The following PLEKHA7 variants were observed in gnomAD, a reference collection of about 807,000 sequenced individuals.
The protein encoded by PLEKHA7 is pleckstrin homology domain containing A7.
A neutral mutation model predicts 170.0 loss-of-function variants in PLEKHA7; 104 were observed. That is an observed-to-expected ratio of 0.61 (90% CI 0.52 to 0.72). The LOEUF (loss-of-function observed/expected upper bound fraction) is 0.72, where lower values mean the gene tolerates loss of function less well. Ranked by LOEUF, PLEKHA7 falls within the 30% of genes least tolerant of loss-of-function variation. The pLI is 0.00. For synonymous variants in PLEKHA7, 648 were observed against 660.8 expected, an observed-to-expected ratio of 0.98 and a Z score of 0.30; for missense variants, 1,615 against 1,671.7, an observed-to-expected ratio of 0.97 and a Z score of 0.59.
chr11:16,838,223 T>C (rs7129494), intron 9 of PLEKHA7, among the ~76,000 whole-genome samples: 9,836 of 152,190 alleles, frequency 0.065, 1,023 homozygotes, highest in African/African-American at 0.22. Context: ...CACGTGCCCA[T>C]TGAGCTGGGC....
intron 13 of PLEKHA7, among the ~76,000 whole-genome samples, chr11:16,810,459 G>C (rs1849291089): frequency 6.6e-6 from 1 of 152,222 alleles, no homozygotes; most frequent in Non-Finnish European, 1.5e-5. Context: ...ACAAAACCCA[G>C]CTTGTTTCTC....
chr11:16,894,220 C>G (rs1413254420), intron 3 of PLEKHA7, among the ~76,000 whole-genome samples: 1 of 152,200 alleles, frequency 6.6e-6, no homozygotes, highest in African/African-American at 2.4e-5. Flanking sequence ...GACTGGACAT[C>G]TAATCAGGGA....
chr11:16,995,372 G>A (rs890419872), intron 3 of PLEKHA7, among the ~76,000 whole-genome samples: 2 of 152,132 alleles, frequency 1.3e-5, no homozygotes, highest in Non-Finnish European at 2.9e-5. Context: ...TCTGCTAAAT[G>A]AAGGGACCCC....
At chr11:16,927,755 A>G (rs1859665519) in intron 3 of PLEKHA7, among the ~76,000 whole-genome samples, 1 of 152,264 alleles carries the variant, frequency 6.6e-6, no homozygotes, top group Non-Finnish European at 1.5e-5. Context: ...GAATTTATCC[A>G]GAATACTTCA....
At position 16,789,826 on chromosome 11, in the gene PLEKHA7, G is replaced by A. The variant is rs372800927; in HGVS notation, c.3105C>T (p.Tyr1035=). Residue 1035 remains tyrosine, a synonymous_variant, in exon 22 of 27, where the codon TAC becomes TAT. Transcript: ENST00000531066. This position sits in a 1 kb window ranked among gnomAD's most constrained non-coding sequence, Gnocchi z 4.6. ...RLQQSSTIAP[Y]VTLRRGLNAE... is the part of the protein sequence containing the mutation. ...CATTGAGACCCCTCCGGAGTGTGAC[G>A]TAGGGAGCAATGGTGGACGACTGCT... The A allele has an allele frequency of 1.8e-5, 29 of 1,614,042 alleles. No individual in the cohort carries two copies. Among genetic ancestry groups the A allele is most frequent in the South Asian group, 4.4e-5 (4 of 91,092 alleles).
chr11:16,957,376 C>T (rs552543864), intron 3 of PLEKHA7, among the ~76,000 whole-genome samples: 2 of 152,220 alleles, frequency 1.3e-5, no homozygotes, highest in African/African-American at 2.4e-5. Flanking sequence ...GCTGAAGACC[C>T]GAGGCTTATT....
chr11:16,797,672 G>A (rs1848327281), intron 17 of PLEKHA7, among the ~76,000 whole-genome samples: 1 of 152,168 alleles, frequency 6.6e-6, no homozygotes, highest in Admixed American at 6.5e-5. Context: ...CAAAGCATGA[G>A]CATCCTAAAA....
chr11:16,996,392 C>T (rs1440021657), intron 3 of PLEKHA7, among the ~76,000 whole-genome samples: 3 of 152,176 alleles, frequency 2.0e-5, no homozygotes, highest in Non-Finnish European at 1.5e-5. Context: ...GGGGTGGTCC[C>T]TCCACCTATC....
intron 3 of PLEKHA7, among the ~76,000 whole-genome samples, chr11:16,891,320 T>G (rs402838): frequency 0.77 from 117,791 of 152,068 alleles, 47,327 homozygotes; most frequent in Non-Finnish European, 0.9. Context: ...ATACAAAGGG[T>G]AGAGAGCCAT....
chr11:16,893,362 C>A (rs987771793), intron 3 of PLEKHA7, among the ~76,000 whole-genome samples: 21 of 152,126 alleles, frequency 1.4e-4, no homozygotes, highest in Admixed American at 1.2e-3. Context: ...GGGAAGGAAA[C>A]GGGTGGCTTT....
chr11:16,908,501 CTTTTTT>C (rs4030729), intron 3 of PLEKHA7, among the ~76,000 whole-genome samples: 2 of 145,146 alleles, frequency 1.4e-5, no homozygotes, highest in African/African-American at 5.1e-5. Context: ...ATTTTTTTTT[CTTTTTT>C]TTTTTCAAGA....
chr11:16,826,286 T>C lies in PLEKHA7; in HGVS notation c.1177A>G (p.Lys393Glu), dbSNP rs1028554048. 5 of 1,614,084 alleles carry C rather than the reference T, an allele frequency of 3.1e-6. No individual in the cohort carries two copies. The highest frequency in any genetic ancestry group is 3.3e-4 in the Middle Eastern group (2 of 6,084). ...GQQAQPQRAE[K>E]NGMLPASYGP... Reference sequence around the variant, plus strand: ...TATGAGGCAGGCAGCATTCCATTCTTCTCTGCCCGTTGGGGCTGTGCCTGC... The same window carrying C: ...TATGAGGCAGGCAGCATTCCATTCTCCTCTGCCCGTTGGGGCTGTGCCTGC... Residue 393 changes from lysine to glutamate, a missense_variant, in exon 10 of 27, where the codon AAG (lysine) becomes GAG (glutamate). Physicochemically the swap from Lys to Glu is moderately conservative, Grantham distance 56 (BLOSUM62 1). Transcript: ENST00000531066.
chr11:16,826,483 C>T lies in PLEKHA7; in HGVS notation c.980G>A (p.Arg327His), dbSNP rs771118343. 2.1e-4 allele frequency: 340 copies of T among 1,614,108 alleles called. No homozygotes were observed. Among genetic ancestry groups the T allele is most frequent in the Non-Finnish European group, 2.5e-4 (293 of 1,180,064 alleles). ...GPGHTRDCPH[R>H]GHDDIVNFER... ...GAAGTTGACAATGTCATCATGGCCA[C>T]GATGAGGACAATCTCTCGTATGTCC... Residue 327 changes from arginine (R) to histidine (H), a missense_variant, in exon 10 of 27, where the codon CGT becomes CAT. Transcript: ENST00000531066.
intron 3 of PLEKHA7, among the ~76,000 whole-genome samples, chr11:17,002,787 T>C (rs1864746415): frequency 6.6e-6 from 1 of 152,164 alleles, no homozygotes; most frequent in African/African-American, 2.4e-5. Context: ...TGCAGACTTC[T>C]AACTGCCCAG....
chr11:16,938,376 G>A (rs1017439998), intron 3 of PLEKHA7, among the ~76,000 whole-genome samples: 1 of 152,062 alleles, frequency 6.6e-6, no homozygotes, highest in Admixed American at 6.6e-5. Context: ...CCTTTATCAT[G>A]TATTTATGCC....
intron 4 of PLEKHA7, among the ~76,000 whole-genome samples, chr11:16,860,335 T>G (rs751055153): frequency 6.6e-6 from 1 of 152,168 alleles, no homozygotes; most frequent in South Asian, 2.1e-4. Flanking sequence ...ATTTTTTTTC[T>G]GTTGGGTCTG....
intron 4 of PLEKHA7, among the ~76,000 whole-genome samples, chr11:16,868,787 T>C (rs557453470): frequency 7.9e-5 from 12 of 152,262 alleles, no homozygotes; most frequent in Non-Finnish European, 1.3e-4. Flanking sequence ...CCTTGGAAGC[T>C]GGATGGAATT....
intron 12 of PLEKHA7, among the ~76,000 whole-genome samples, chr11:16,814,831 T>C (rs1417720869): frequency 1.3e-5 from 2 of 152,224 alleles, no homozygotes; most frequent in Non-Finnish European, 2.9e-5. Context: ...GGCTGACGCA[T>C]ATGTGCCTTT....
chr11:17,003,109 G>C (rs1232980991), intron 3 of PLEKHA7, among the ~76,000 whole-genome samples: 1 of 150,672 alleles, frequency 6.6e-6, no homozygotes, highest in Non-Finnish European at 1.5e-5. Flanking sequence ...TCCTGCCTCA[G>C]TCTCCTGAGT....
Sources: allele counts gnomAD v4.1 joint callset (sites outside exome capture counted in the v4.1 genomes callset), GRCh38; gene constraint gnomAD v4.1.1; non-coding constraint Gnocchi (gnomAD v3.1); transcripts MANE v1.5; gene names NCBI Gene and HGNC (gene_info 2026-07-23, HGNC 2026-07-21).